Variants in PLCL1 observed in about 807,000 individuals in gnomAD.
The protein encoded by PLCL1 is phospholipase C like 1 (inactive).
A neutral mutation model predicts 84.4 loss-of-function variants in PLCL1; 41 were observed. The ratio of observed to expected loss-of-function variants is 0.49; its 90% CI spans 0.38 to 0.63. The LOEUF is 0.63. Ranked by LOEUF, PLCL1 falls within the 30% of genes least tolerant of loss-of-function variation. PLCL1 has a pLI of 0.00. For synonymous variants in PLCL1, 490 were observed against 488.3 expected, an observed-to-expected ratio of 1.00 and a Z score of -0.05; for missense variants, 1,206 against 1,367.8, an observed-to-expected ratio of 0.88 and a Z score of 1.87.
intron 1 of PLCL1, among the ~76,000 whole-genome samples, chr2:197,962,953 C>T (rs1298936326): frequency 2.6e-5 from 4 of 152,090 alleles, no homozygotes; most frequent in Non-Finnish European, 4.4e-5. Flanking sequence ...ATATGCACCA[C>T]ATTTTCTTTA....
chr2:197,823,912 C>T lies in PLCL1; in HGVS notation c.240+18573C>T, dbSNP rs77741131. Among the ~76,000 whole-genome samples, 1,300 of 152,138 alleles carry T rather than the reference C, an allele frequency of 8.5e-3. 22 individuals are homozygous for T. Among genetic ancestry groups the T allele is most frequent in the African/African-American group, 0.03 (1,231 of 41,510 alleles). On this transcript the variant is annotated intron_variant, in intron 1 of 5. Transcript: ENST00000428675. The stretch of plus-strand genomic sequence containing the variant: ...TTGACAAACAAAAGCACAATTTTTA[C>T]GAAAGGGTCAAGTTTGTTTAAAAGT...
chr2:197,854,031 A>G (rs1687288116), intron 1 of PLCL1, among the ~76,000 whole-genome samples: 1 of 152,130 alleles, frequency 6.6e-6, no homozygotes, highest in South Asian at 2.1e-4. Context: ...TTGGGGACCC[A>G]TGCTGGGTCT....
At chr2:197,831,492 C>T (rs1285384619) in intron 1 of PLCL1, among the ~76,000 whole-genome samples, 1 of 152,058 alleles carries the variant, frequency 6.6e-6, no homozygotes, top group Non-Finnish European at 1.5e-5. Context: ...TATATGCACC[C>T]AATACAGGAG....
intron 4 of PLCL1, among the ~76,000 whole-genome samples, chr2:198,103,128 G>C (rs1031175694): frequency 6.6e-6 from 1 of 151,996 alleles, no homozygotes; most frequent in African/African-American, 2.4e-5. Context: ...AAGCGACAGG[G>C]ATGGTTCATA....
chr2:197,929,008 G>T (rs1688883189), intron 1 of PLCL1, among the ~76,000 whole-genome samples: 2 of 151,956 alleles, frequency 1.3e-5, no homozygotes, highest in Non-Finnish European at 2.9e-5. Flanking sequence ...TTTCTATAAT[G>T]AAAACATTTT....
intron 1 of PLCL1, among the ~76,000 whole-genome samples, chr2:197,825,613 T>C (rs183883181): frequency 2.9e-4 from 44 of 152,320 alleles, no homozygotes; most frequent in African/African-American, 1.0e-3. Context: ...TCTACCTTCC[T>C]TAAGGGAATC....
chr2:197,907,713 G>A (rs1688412120), intron 1 of PLCL1, among the ~76,000 whole-genome samples: 1 of 152,186 alleles, frequency 6.6e-6, no homozygotes, highest in Non-Finnish European at 1.5e-5. Context: ...CTACCCTAGT[G>A]CATAATTTCA....
intron 1 of PLCL1, among the ~76,000 whole-genome samples, chr2:197,934,187 T>A (rs1574956465): frequency 6.6e-6 from 1 of 152,330 alleles, no homozygotes; most frequent in South Asian, 2.1e-4. Context: ...CAGCAAGTTT[T>A]TTTGTTTGTT....
At chr2:198,036,644 C>T (rs1479755663) in intron 1 of PLCL1, among the ~76,000 whole-genome samples, 3 of 152,196 alleles carry the variant, frequency 2.0e-5, no homozygotes, top group East Asian at 1.9e-4. Context: ...TTTGGTCATT[C>T]ATAGCCCTTA....
chr2:198,111,009 C>A (rs184925997), intron 5 of PLCL1, among the ~76,000 whole-genome samples: 3 of 151,896 alleles, frequency 2.0e-5, no homozygotes, highest in African/African-American at 2.4e-5. Flanking sequence ...ATTATACTAT[C>A]AATTATTGAG....
chr2:197,881,521 C>CTCTGTGTGTGTG (rs1553499117), intron 1 of PLCL1, among the ~76,000 whole-genome samples: 4 of 151,020 alleles, frequency 2.6e-5, no homozygotes, highest in Middle Eastern at 6.8e-3. Context: ...GAACAGTGCT[C>CTCTGTGTGTGTG]TGTGTGTGTG....
chr2:197,975,143 A>G (rs1005458357), intron 1 of PLCL1, among the ~76,000 whole-genome samples: 15 of 116,612 alleles, frequency 1.3e-4, no homozygotes, highest in African/African-American at 5.3e-4. Context: ...GCGAGACTCC[A>G]TCTCAAAAAA....
chr2:198,140,525 G>A (rs1416154050), intron 5 of PLCL1, among the ~76,000 whole-genome samples: 1 of 152,084 alleles, frequency 6.6e-6, no homozygotes, highest in African/African-American at 2.4e-5. Context: ...TAAAGCTATT[G>A]TAACAAAGAA....
chr2:197,947,165 A>G (rs1036040355), intron 1 of PLCL1, among the ~76,000 whole-genome samples: 2 of 151,732 alleles, frequency 1.3e-5, no homozygotes, highest in Non-Finnish European at 2.9e-5. Flanking sequence ...TAAAAAATTA[A>G]GAATTTCAGA....
At position 198,090,513 on chromosome 2, in the gene PLCL1, T is replaced by C. The variant is rs114481496; in HGVS notation, c.2919+1452T>C. On this transcript the variant is annotated intron_variant, in intron 3 of 5. Coordinates refer to ENST00000428675, the MANE Select transcript of PLCL1 (RefSeq NM_006226.4). ...TTAAAAAACAAGTAGAAGAAAGATA[T>C]TGGAGATAAACATTCTACGAATGAA... Among the ~76,000 whole-genome samples, 1,148 of 152,192 alleles carry C rather than the reference T, an allele frequency of 7.5e-3. 14 individuals carry two copies. Among genetic ancestry groups the C allele is most frequent in the African/African-American group, 0.026 (1,083 of 41,528 alleles).
chr2:197,889,601 C>T (rs1687978935), intron 1 of PLCL1, among the ~76,000 whole-genome samples: 1 of 152,124 alleles, frequency 6.6e-6, no homozygotes, highest in African/African-American at 2.4e-5. Flanking sequence ...TTTTAGGCTA[C>T]ACCAACACAC....
rs115392095 is a variant in PLCL1 at position 197,920,015 on chromosome 2, C to A, written c.240+114676C>A. Among the ~76,000 whole-genome samples the A allele has an allele frequency of 3.5e-3, 528 of 152,152 alleles. 4 individuals are homozygous for A. Among genetic ancestry groups the A allele is most frequent in the African/African-American group, 0.012 (490 of 41,498 alleles). ...CTGGAAAATGAGGGTAATAATAATG[C>A]CTAGCCATAGGGTGGTCATGAAAAT... is the stretch of plus-strand genomic sequence containing the variant. On this transcript the variant is annotated intron_variant, in intron 1 of 5. Transcript: ENST00000428675.
intron 1 of PLCL1, among the ~76,000 whole-genome samples, chr2:197,936,717 AT>A (rs1237870882): frequency 1.3e-5 from 2 of 151,992 alleles, no homozygotes; most frequent in African/African-American, 2.4e-5. Context: ...CACTCTGTTG[AT>A]TGTTTCCTTT....
chr2:197,842,168 C>G (rs1687017870), intron 1 of PLCL1, among the ~76,000 whole-genome samples: 1 of 152,152 alleles, frequency 6.6e-6, no homozygotes, highest in Non-Finnish European at 1.5e-5. Flanking sequence ...TCCTATCTTT[C>G]CCTATAACCA....
Sources: gnomAD v4.1 joint callset for allele counts (sites outside exome capture counted in the v4.1 genomes callset) on GRCh38, gnomAD v4.1.1 for gene constraint, MANE v1.5 for transcripts, NCBI Gene and HGNC (gene_info 2026-07-23, HGNC 2026-07-21) for gene names.